The following NRF1 variants were observed in gnomAD, a reference collection of about 807,000 sequenced individuals.
The protein encoded by NRF1 is alpha palindromic-binding protein.
Under a neutral mutation model 58.5 loss-of-function variants are expected in NRF1, and 5 were observed. That is an observed-to-expected ratio of 0.09 (90% confidence interval 0.04 to 0.18). NRF1 has a LOEUF of 0.18. NRF1 is among the 10% of genes least tolerant of loss of function. The pLI is 1.00. For synonymous variants in NRF1, 224 were observed against 246.7 expected, an observed-to-expected ratio of 0.91 and a Z score of 0.86; for missense variants, 288 against 657.7, an observed-to-expected ratio of 0.44 and a Z score of 6.15.
At chr7:129,681,614 C>T (rs899398316) in intron 4 of NRF1, among the ~76,000 whole-genome samples, 25 of 152,082 alleles carry the variant, frequency 1.6e-4, no homozygotes, top group Admixed American at 1.3e-4. Flanking sequence ...CACTCAGTTG[C>T]CCACCTTAGA....
chr7:129,703,062 G>T (rs1802870048), intron 5 of NRF1, among the ~76,000 whole-genome samples: 1 of 152,166 alleles, frequency 6.6e-6, no homozygotes, highest in Admixed American at 6.5e-5. Flanking sequence ...ACGTTTTAGA[G>T]TTTTAGAGAA....
intron 10 of NRF1, among the ~76,000 whole-genome samples, chr7:129,748,996 G>A (rs781745161): frequency 9.9e-5 from 15 of 152,206 alleles, no homozygotes; most frequent in African/African-American, 3.4e-4. Flanking sequence ...ACTGGTGCCC[G>A]TGGTCTACCA....
intron 5 of NRF1, among the ~76,000 whole-genome samples, chr7:129,703,872 T>A (rs1802891151): frequency 6.6e-6 from 1 of 152,220 alleles, no homozygotes. Flanking sequence ...TTTCTGTTTC[T>A]CCTGCCTCAC....
chr7:129,664,011 G>A (rs761708848), intron 2 of NRF1, among the ~76,000 whole-genome samples: 1 of 151,080 alleles, frequency 6.6e-6, no homozygotes. Flanking sequence ...TGGAATCCCA[G>A]GCACTCGCCA....
At position 129,677,792 on chromosome 7, in the gene NRF1, T is replaced by C. The variant is rs1802216840; in HGVS notation, c.465+34T>C. On this transcript the variant is annotated intron_variant, in intron 4 of 10. Coordinates refer to ENST00000393232, the MANE Select transcript of NRF1 (RefSeq NM_005011.5). ...GAACCAAGCTGTTCTCATTTGCCCTTTGCTTTCTGTCGGCTGCTTCCATTC... is the reference window on the plus strand; with the variant it reads ...GAACCAAGCTGTTCTCATTTGCCCTCTGCTTTCTGTCGGCTGCTTCCATTC... 8.1e-6 allele frequency: 13 copies of C among 1,609,098 alleles called. No homozygotes were observed. The East Asian group carries it at 2.9e-4, about 36-fold the overall frequency.
intron 9 of NRF1, among the ~76,000 whole-genome samples, chr7:129,720,775 G>T (rs1439064571): frequency 6.6e-6 from 1 of 152,102 alleles, no homozygotes; most frequent in Non-Finnish European, 1.5e-5. Context: ...AGTCACAAGG[G>T]CCCAGGGCTC....
Position 129,710,432 on chromosome 7 carries a change from G to A in NRF1, c.824G>A (p.Arg275Gln). 2 of 1,614,154 alleles carry A rather than the reference G, an allele frequency of 1.2e-6. No individual in the cohort carries two copies. Among genetic ancestry groups the A allele is most frequent in the Non-Finnish European group, 8.5e-7 (1 of 1,180,030 alleles). Residue 275 changes from arginine (R) to glutamine (Q), a missense_variant, in exon 7 of 11, where the codon CGG becomes CAG. Physicochemically the swap from Arg to Gln is conservative, Grantham distance 43 (BLOSUM62 1). Around this residue, in one of 3 missense-constraint regions of NRF1, gnomAD observed 212 missense variants for 559.7 expected, o/e 0.38. Coordinates refer to ENST00000393232, the MANE Select transcript of NRF1 (RefSeq NM_005011.5). ...AAAAACTGTTATAAACAGCATGGGC[G>A]GGAAGACCTTTTGTATGCCTTTGAA... is the stretch of plus-strand genomic sequence containing the variant. ...IVKNCYKQHG[R>Q]EDLLYAFEDQ...
intron 1 of NRF1, among the ~76,000 whole-genome samples, chr7:129,622,924 TC>T (rs1800832255): frequency 6.6e-6 from 1 of 152,256 alleles, no homozygotes; most frequent in Non-Finnish European, 1.5e-5. Context: ...ATTCACACTA[TC>T]AATTTATTTT....
At chr7:129,730,127 T>C (rs1803544949) in intron 10 of NRF1, among the ~76,000 whole-genome samples, 1 of 152,196 alleles carries the variant, frequency 6.6e-6, no homozygotes, top group Non-Finnish European at 1.5e-5. Flanking sequence ...GCCGGGCCTA[T>C]GTTTGTCACT....
intron 10 of NRF1, among the ~76,000 whole-genome samples, chr7:129,736,878 C>G (rs1483153898): frequency 6.6e-6 from 1 of 152,130 alleles, no homozygotes; most frequent in African/African-American, 2.4e-5. Context: ...GCTGGAGACC[C>G]TAAAAGCTGA....
intron 1 of NRF1, among the ~76,000 whole-genome samples, chr7:129,639,911 A>G (rs1245249100): frequency 6.6e-6 from 1 of 152,226 alleles, no homozygotes; most frequent in Non-Finnish European, 1.5e-5. Context: ...GGGAATGGAT[A>G]GTTAGCTAAA....
At chr7:129,725,633 T>C (rs1336942245) in intron 9 of NRF1, among the ~76,000 whole-genome samples, 1 of 152,202 alleles carries the variant, frequency 6.6e-6, no homozygotes, top group Non-Finnish European at 1.5e-5. Context: ...GGCCTTATCT[T>C]ATCTTTTTGA....
At chr7:129,634,041 AAGATATAT>A (rs1190333038) in intron 1 of NRF1, among the ~76,000 whole-genome samples, 4 of 113,810 alleles carry the variant, frequency 3.5e-5, no homozygotes, top group Non-Finnish European at 5.1e-5. Flanking sequence ...AAAAAAAAAA[AAGATATAT>A]ATATATATAT....
At chr7:129,674,597 C>A (rs553173224) in intron 3 of NRF1, among the ~76,000 whole-genome samples, 19 of 152,002 alleles carry the variant, frequency 1.2e-4, no homozygotes, top group Admixed American at 1.1e-3. Context: ...CCATACCTGG[C>A]GAATTTTTTC....
At chr7:129,666,472 T>C (rs1801925180) in intron 2 of NRF1, among the ~76,000 whole-genome samples, 1 of 152,248 alleles carries the variant, frequency 6.6e-6, no homozygotes, top group Admixed American at 6.5e-5. Flanking sequence ...TCACCCATGT[T>C]GATAATGTGG....
chr7:129,705,303 G>C (rs1213425460), intron 5 of NRF1, among the ~76,000 whole-genome samples: 1 of 151,724 alleles, frequency 6.6e-6, no homozygotes, highest in Non-Finnish European at 1.5e-5. Flanking sequence ...TTTGTTTTTT[G>C]TTTTTGAGAT....
intron 8 of NRF1, among the ~76,000 whole-genome samples, chr7:129,713,941 G>A (rs1422944669): frequency 6.6e-6 from 1 of 152,250 alleles, no homozygotes; most frequent in Non-Finnish European, 1.5e-5. Flanking sequence ...ACAGTTTGAA[G>A]GGCCTTGTGG....
intron 10 of NRF1, among the ~76,000 whole-genome samples, chr7:129,737,901 T>C (rs1803755868): frequency 6.6e-6 from 1 of 152,228 alleles, no homozygotes; most frequent in Non-Finnish European, 1.5e-5. Context: ...GCCTCAGGAC[T>C]TGAAGCAGGC....
At chr7:129,672,008 G>C (rs1802058466) in intron 3 of NRF1, among the ~76,000 whole-genome samples, 1 of 151,992 alleles carries the variant, frequency 6.6e-6, no homozygotes, top group Non-Finnish European at 1.5e-5. Context: ...TTTTTGTTAA[G>C]GCAGCCTTTG....
Sources: allele counts gnomAD v4.1 joint callset (sites outside exome capture counted in the v4.1 genomes callset), GRCh38; gene constraint gnomAD v4.1.1; regional missense constraint gnomAD v4.1.1; transcripts MANE v1.5; gene names NCBI Gene and HGNC (gene_info 2026-07-23, HGNC 2026-07-21).